Variants in CDH18 observed in about 807,000 individuals in gnomAD.
The protein encoded by CDH18 is cadherin-18.
CDH18 carries 31 observed loss-of-function variants against 67.9 expected under a neutral mutation model. That is an observed-to-expected ratio of 0.46 (90% CI 0.34 to 0.62). CDH18 has a LOEUF of 0.62. CDH18 is among the 20% of genes least tolerant of loss of function. The pLI is 0.01. For missense variants in CDH18, 890 were observed against 975.5 expected (o/e 0.91, Z 1.17); for synonymous variants, 362 against 347.2 (o/e 1.04, Z -0.48).
At chr5:20,218,074 ATTTTAATACCCCAC>A (rs1740919977) in intron 2 of CDH18, among the ~76,000 whole-genome samples, 1 of 151,930 alleles carries the variant, frequency 6.6e-6, no homozygotes, top group Non-Finnish European at 1.5e-5. Context: ...ATAGCTGGAG[ATTTTAATACCCCAC>A]TTTCAGCATT....
At chr5:20,028,357 C>A in intron 2 of CDH18, among the ~76,000 whole-genome samples, 1 of 152,080 alleles carries the variant, frequency 6.6e-6, no homozygotes, top group East Asian at 1.9e-4. Flanking sequence ...ACCGAAATTT[C>A]TTGGATCACT....
chr5:19,983,258 T>C (rs1160201642), intron 1 of CDH18, among the ~76,000 whole-genome samples: 1 of 152,104 alleles, frequency 6.6e-6, no homozygotes, highest in East Asian at 1.9e-4. Context: ...TAATATCTAA[T>C]TGTGCATAGT....
At chr5:19,940,635 C>T (rs1037591778) in intron 2 of CDH18, among the ~76,000 whole-genome samples, 2 of 151,918 alleles carry the variant, frequency 1.3e-5, no homozygotes, top group African/African-American at 4.8e-5. Flanking sequence ...ACTTACTGGC[C>T]TTTGTGGATC....
chr5:19,994,845 TATATATATATAGAG>T (rs1280869573), intron 2 of CDH18, among the ~76,000 whole-genome samples: 2 of 31,742 alleles, frequency 6.3e-5, no homozygotes, highest in Non-Finnish European at 1.1e-4. Context: ...TATATATATA[TATATATATATAGAG>T]AGAGAGAGAG....
At chr5:20,483,038 C>G (rs866687884) in intron 1 of CDH18, among the ~76,000 whole-genome samples, 3 of 151,824 alleles carry the variant, frequency 2.0e-5, no homozygotes, top group Non-Finnish European at 4.4e-5. Flanking sequence ...ATACTTCAAC[C>G]AAAACTATTA....
At chr5:20,487,325 C>CAT (rs1348097781) in intron 1 of CDH18, among the ~76,000 whole-genome samples, 3 of 146,664 alleles carry the variant, frequency 2.0e-5, no homozygotes, top group South Asian at 4.2e-4. Context: ...TATGGAGATA[C>CAT]ATATATATAA....
chr5:20,430,191 A>T (rs557850660), intron 1 of CDH18, among the ~76,000 whole-genome samples: 4 of 152,300 alleles, frequency 2.6e-5, no homozygotes, highest in African/African-American at 9.6e-5. Context: ...TTGGCTCAAA[A>T]TTTTAAAATT....
intron 3 of CDH18, among the ~76,000 whole-genome samples, chr5:19,782,195 A>G (rs1775194702): frequency 6.6e-6 from 1 of 152,112 alleles, no homozygotes; most frequent in Admixed American, 6.6e-5. Flanking sequence ...CAGGAGACTC[A>G]CAATCATGGT....
At chr5:19,748,091 A>C (rs182760554) in intron 3 of CDH18, among the ~76,000 whole-genome samples, 1,682 of 117,700 alleles carry the variant, frequency 0.014, 34 homozygotes, top group African/African-American at 0.048. Context: ...CCAGGCTGGG[A>C]GACAGAGCGA....
chr5:20,573,970 T>C (rs531336328), intron 1 of CDH18, among the ~76,000 whole-genome samples: 1 of 147,926 alleles, frequency 6.8e-6, no homozygotes, highest in Non-Finnish European at 1.5e-5. Flanking sequence ...ATATACTTTT[T>C]TTAAACAAAT....
chr5:20,431,219 A>G lies in CDH18; in HGVS notation c.-580+144243T>C, dbSNP rs148058643. ...GATAAGAGCCTCAGATGCCGGGTGC[A>G]GTAACTCACCCCTGTAATCCCAGCA... On this transcript the variant is annotated intron_variant, in intron 1 of 14. Coordinates refer to the CDH18 transcript ENST00000507958. 5.4e-3 allele frequency among the ~76,000 whole-genome samples: 817 copies of G among 152,230 alleles called. 13 individuals carry two copies. Among genetic ancestry groups the G allele is most frequent in the African/African-American group, 0.019 (793 of 41,562 alleles).
At chr5:20,068,965 G>A (rs1743207253) in intron 2 of CDH18, among the ~76,000 whole-genome samples, 1 of 152,052 alleles carries the variant, frequency 6.6e-6, no homozygotes, top group Admixed American at 6.5e-5. Flanking sequence ...GTCTCAGGAC[G>A]TCACGCTGAA....
At chr5:19,709,158 C>G (rs1433037117) in intron 5 of CDH18, among the ~76,000 whole-genome samples, 1 of 151,876 alleles carries the variant, frequency 6.6e-6, no homozygotes, top group Non-Finnish European at 1.5e-5. Context: ...TTACCACTCA[C>G]CTGGCACTTA....
At chr5:20,414,797 A>G (rs1423801259) in intron 1 of CDH18, among the ~76,000 whole-genome samples, 1 of 152,190 alleles carries the variant, frequency 6.6e-6, no homozygotes, top group Non-Finnish European at 1.5e-5. Context: ...GAGAATGGCT[A>G]TCATCAAAAC....
intron 2 of CDH18, among the ~76,000 whole-genome samples, chr5:19,931,783 A>G (rs796364829): frequency 5.3e-5 from 8 of 151,962 alleles, no homozygotes; most frequent in African/African-American, 1.9e-4. Context: ...CAAGTCCTTT[A>G]TATATCTCTC....
chr5:20,522,128 A>G (rs2126524712), intron 1 of CDH18, among the ~76,000 whole-genome samples: 1 of 152,310 alleles, frequency 6.6e-6, no homozygotes, highest in African/African-American at 2.4e-5. Context: ...ATACCCACTG[A>G]TGGAAGATCA....
chr5:19,546,110 G>C (rs903364856), intron 8 of CDH18, among the ~76,000 whole-genome samples: 1 of 152,172 alleles, frequency 6.6e-6, no homozygotes, highest in Non-Finnish European at 1.5e-5. Flanking sequence ...TTAGGAGGTT[G>C]ATTGAGGTTA....
chr5:19,631,842 C>T (rs1752460952), intron 5 of CDH18, among the ~76,000 whole-genome samples: 1 of 151,918 alleles, frequency 6.6e-6, no homozygotes, highest in African/African-American at 2.4e-5. Flanking sequence ...TTGGCAATTC[C>T]ACTTTTTTTG....
chr5:19,729,290 T>C (rs1246955738), intron 4 of CDH18, among the ~76,000 whole-genome samples: 1 of 152,280 alleles, frequency 6.6e-6, no homozygotes. Flanking sequence ...AATAAAATAA[T>C]TAAGTTAACA....
Sources: allele counts gnomAD v4.1 joint callset (sites outside exome capture counted in the v4.1 genomes callset), GRCh38; gene constraint gnomAD v4.1.1; transcripts MANE v1.5; gene names NCBI Gene and HGNC (gene_info 2026-07-23, HGNC 2026-07-21).